The following ERC2 variants were observed in gnomAD, a reference collection of about 807,000 sequenced individuals.
The protein encoded by ERC2 is ERC protein 2.
Under a neutral mutation model 114.8 loss-of-function variants are expected in ERC2, and 42 were observed. The ratio of observed to expected loss-of-function variants is 0.37; its 90% CI spans 0.29 to 0.47. ERC2 has a LOEUF of 0.47. Ranked by LOEUF, ERC2 falls within the 20% of genes least tolerant of loss-of-function variation. The pLI, the probability that ERC2 is intolerant of heterozygous loss-of-function variation, is 0.99. For synonymous variants in ERC2, 454 were observed against 425.5 expected, an observed-to-expected ratio of 1.07 and a Z score of -0.82; for missense variants, 939 against 1,150.7, an observed-to-expected ratio of 0.82 and a Z score of 2.66.
chr3:55,841,594 A>G (rs982102838), intron 14 of ERC2, among the ~76,000 whole-genome samples: 6 of 152,218 alleles, frequency 3.9e-5, no homozygotes, highest in Non-Finnish European at 7.3e-5. Context: ...GGCATTTGCT[A>G]TGTTCTAGGT....
chr3:55,614,055 C>T (rs1471711243), intron 17 of ERC2, among the ~76,000 whole-genome samples: 1 of 148,316 alleles, frequency 6.7e-6, no homozygotes, highest in Non-Finnish European at 1.5e-5. Flanking sequence ...GTGGTAAGAC[C>T]TGGAGGAATC....
intron 12 of ERC2, among the ~76,000 whole-genome samples, chr3:55,965,124 A>C (rs2068655843): frequency 6.6e-6 from 1 of 152,210 alleles, no homozygotes. Context: ...AGCTAGATGC[A>C]AGTCACAAGA....
At chr3:55,979,761 G>A (rs1391635540) in intron 12 of ERC2, among the ~76,000 whole-genome samples, 1 of 150,710 alleles carries the variant, frequency 6.6e-6, no homozygotes, top group Non-Finnish European at 1.5e-5. Context: ...GCAACATAGT[G>A]AGACCCCACC....
intron 15 of ERC2, among the ~76,000 whole-genome samples, chr3:55,718,167 G>A (rs1559543939): frequency 6.6e-6 from 1 of 152,050 alleles, no homozygotes; most frequent in African/African-American, 2.4e-5. Flanking sequence ...TGTCCAAGAG[G>A]AGTCCTGCTC....
At chr3:55,709,865 C>T (rs972167796) in intron 15 of ERC2, among the ~76,000 whole-genome samples, 4 of 152,114 alleles carry the variant, frequency 2.6e-5, no homozygotes, top group African/African-American at 9.7e-5. Context: ...GGAGGGAGAA[C>T]GAGACAGGGA....
intron 17 of ERC2, among the ~76,000 whole-genome samples, chr3:55,547,339 T>C (rs553859245): frequency 1.4e-4 from 21 of 152,320 alleles, no homozygotes; most frequent in South Asian, 4.1e-4. Context: ...CAGCGGGCCA[T>C]GTTTGCAGCC....
chr3:56,212,289 T>G (rs538883273), intron 3 of ERC2, among the ~76,000 whole-genome samples: 1 of 152,038 alleles, frequency 6.6e-6, no homozygotes, highest in East Asian at 1.9e-4. Flanking sequence ...AAAAGTGGGC[T>G]AAGGACATGA....
chr3:55,661,217 G>T (rs1296028767), intron 17 of ERC2, among the ~76,000 whole-genome samples: 1 of 152,182 alleles, frequency 6.6e-6, no homozygotes, highest in African/African-American at 2.4e-5. Flanking sequence ...TTCATTCTCT[G>T]CTGAGTTTCA....
At chr3:55,908,257 A>T (rs1337773329) in intron 13 of ERC2, among the ~76,000 whole-genome samples, 1 of 152,216 alleles carries the variant, frequency 6.6e-6, no homozygotes, top group Non-Finnish European at 1.5e-5. Context: ...TCAATCAAAG[A>T]GAAAAATATC....
rs2071595544 is a variant in ERC2, at chr3:55,997,295, C to T, written c.2062-5045G>A. On this transcript the variant is annotated intron_variant, in intron 10 of 17. Transcript: ENST00000288221. ...TTTAGGCAGTGTAGAAATATGATTTCGATTGTGGCATGTTGGTGGTTTAAT... is the reference window on the plus strand; with the variant it reads ...TTTAGGCAGTGTAGAAATATGATTTTGATTGTGGCATGTTGGTGGTTTAAT... Among the ~76,000 whole-genome samples the T allele has an allele frequency of 4.1e-5, 6 of 145,892 alleles. No homozygotes were observed. The South Asian group carries it at 1.3e-3, about 32-fold the overall frequency.
intron 2 of ERC2, among the ~76,000 whole-genome samples, chr3:56,412,877 G>A (rs906630469): frequency 1.3e-5 from 2 of 152,076 alleles, no homozygotes; most frequent in African/African-American, 4.8e-5. Flanking sequence ...ATAAAGTCAG[G>A]AATATGGCAG....
rs967308980 is a variant in ERC2 at position 55,956,742 on chromosome 3, T to C, written c.2268-6182A>G. On this transcript the variant is annotated intron_variant, in intron 12 of 17. Transcript: ENST00000288221. ...GGCAGCCTCTCCAGAACAGCCCAGC[T>C]GTTTGGCTACTAGTTTTGATCATGG... Among the ~76,000 whole-genome samples the C allele has an allele frequency of 3.9e-5, 6 of 152,178 alleles. No homozygotes were observed. The East Asian group carries it at 1.2e-3, about 29-fold the overall frequency.
intron 2 of ERC2, among the ~76,000 whole-genome samples, chr3:56,347,995 C>T (rs2058372821): frequency 6.6e-6 from 1 of 152,150 alleles, no homozygotes; most frequent in African/African-American, 2.4e-5. Context: ...AAGCCAAATC[C>T]GTGTTTGTAT....
chr3:56,241,272 G>A, intron 3 of ERC2, among the ~76,000 whole-genome samples: 1 of 152,098 alleles, frequency 6.6e-6, no homozygotes, highest in East Asian at 1.9e-4. Context: ...CGCACAAGCA[G>A]CTAACAAACA....
chr3:55,875,720 A>T (rs1179921847), intron 14 of ERC2, among the ~76,000 whole-genome samples: 1 of 146,832 alleles, frequency 6.8e-6, no homozygotes, highest in South Asian at 2.2e-4. Flanking sequence ...ACACACACAC[A>T]CACACTCTCT....
chr3:56,330,848 G>A (rs2150454990), intron 2 of ERC2, among the ~76,000 whole-genome samples: 1 of 152,254 alleles, frequency 6.6e-6, no homozygotes, highest in South Asian at 2.1e-4. Flanking sequence ...ACTTTAGGCA[G>A]GCACTCTGAC....
intron 17 of ERC2, among the ~76,000 whole-genome samples, chr3:55,607,483 G>C (rs1689576936): frequency 6.6e-6 from 1 of 152,066 alleles, no homozygotes; most frequent in African/African-American, 2.4e-5. Context: ...CATCCAACCA[G>C]AGCACCCAGA....
At chr3:55,636,798 A>G (rs980558841) in intron 17 of ERC2, among the ~76,000 whole-genome samples, 1 of 152,228 alleles carries the variant, frequency 6.6e-6, no homozygotes, top group Admixed American at 6.5e-5. Context: ...CCGCAGCCCT[A>G]CGGTTTGCAG....
At chr3:55,917,806 G>T (rs192042948) in intron 13 of ERC2, among the ~76,000 whole-genome samples, 14 of 152,088 alleles carry the variant, frequency 9.2e-5, no homozygotes, top group Non-Finnish European at 1.9e-4. Flanking sequence ...TCTCAATAAG[G>T]CTGCTACATA....
Sources: allele counts gnomAD v4.1 joint callset (sites outside exome capture counted in the v4.1 genomes callset), GRCh38; gene constraint gnomAD v4.1.1; transcripts MANE v1.5; gene names NCBI Gene and HGNC (gene_info 2026-07-23, HGNC 2026-07-21).